CADM2: variants seen among roughly 807,000 people sequenced by gnomAD.
CADM2 encodes immunoglobulin superfamily member 4D.
A neutral mutation model predicts 49.8 loss-of-function variants in CADM2; 12 were observed. That is an observed-to-expected ratio of 0.24 (90% CI 0.15 to 0.39). CADM2 has a LOEUF of 0.39. Among genes scored for constraint, CADM2 ranks in the 10% least tolerant of loss-of-function variants. CADM2 has a pLI of 1.00. For synonymous variants in CADM2, 214 were observed against 175.4 expected (o/e 1.22, Z -1.74); for missense variants, 378 against 492.3 (o/e 0.77, Z 2.20).
intron 1 of CADM2, among the ~76,000 whole-genome samples, chr3:85,558,673 T>C (rs751691280): frequency 7.2e-5 from 11 of 152,176 alleles, no homozygotes; most frequent in Non-Finnish European, 1.2e-4. Context: ...ATTACCTAAC[T>C]TGAGTCAATA....
At chr3:85,342,019 A>G (rs548730263) in intron 1 of CADM2, among the ~76,000 whole-genome samples, 1 of 152,320 alleles carries the variant, frequency 6.6e-6, no homozygotes. Context: ...AATTGGATCT[A>G]ATTAAACTAA....
At chr3:85,792,146 G>T (rs2071374416) in intron 2 of CADM2, among the ~76,000 whole-genome samples, 1 of 152,094 alleles carries the variant, frequency 6.6e-6, no homozygotes, top group South Asian at 2.1e-4. Context: ...TGTTAAATGA[G>T]GTTCTTGAGA....
At chr3:85,505,313 A>G (rs1559874713) in intron 1 of CADM2, among the ~76,000 whole-genome samples, 1 of 152,232 alleles carries the variant, frequency 6.6e-6, no homozygotes, top group Non-Finnish European at 1.5e-5. Context: ...GTATATTCAT[A>G]TATACAAATG....
At chr3:85,267,371 AT>A (rs1359886604) in intron 1 of CADM2, among the ~76,000 whole-genome samples, 3 of 151,596 alleles carry the variant, frequency 2.0e-5, no homozygotes, top group East Asian at 1.9e-4. Context: ...TTTAAAAAAA[AT>A]ATTTTCTCCT....
intron 8 of CADM2, among the ~76,000 whole-genome samples, chr3:86,009,418 T>C: frequency 6.6e-6 from 1 of 151,496 alleles, no homozygotes; most frequent in East Asian, 1.9e-4. Flanking sequence ...ATTTATTTCA[T>C]TGTTTTTTAC....
At chr3:85,703,328 C>CTACTTCTT (rs1197174587) in intron 1 of CADM2, among the ~76,000 whole-genome samples, 3 of 152,020 alleles carry the variant, frequency 2.0e-5, no homozygotes. Context: ...TTTTTCCACT[C>CTACTTCTT]TACTTCTTGA....
At chr3:85,281,889 A>G (rs930009052) in intron 1 of CADM2, among the ~76,000 whole-genome samples, 3 of 152,126 alleles carry the variant, frequency 2.0e-5, no homozygotes, top group African/African-American at 7.2e-5. Context: ...TATTAGGCAC[A>G]AGCTGTACAC....
chr3:85,888,753 G>T (rs375477755), intron 5 of CADM2, among the ~76,000 whole-genome samples: 81 of 152,132 alleles, frequency 5.3e-4, no homozygotes, highest in African/African-American at 1.9e-3. Flanking sequence ...TAAAGACTAC[G>T]GCACAAAGTA....
At chr3:85,634,473 C>T (rs1393779088) in intron 1 of CADM2, among the ~76,000 whole-genome samples, 1 of 151,866 alleles carries the variant, frequency 6.6e-6, no homozygotes, top group East Asian at 1.9e-4. Context: ...ATTGCTGGTT[C>T]TAATTTATAT....
chr3:85,754,772 C>T (rs1364806371), intron 2 of CADM2, among the ~76,000 whole-genome samples: 1 of 152,040 alleles, frequency 6.6e-6, no homozygotes, highest in Non-Finnish European at 1.5e-5. Flanking sequence ...TTAACATTGT[C>T]ATGACTGTCT....
chr3:85,136,718 T>C (rs1317533516), intron 1 of CADM2, among the ~76,000 whole-genome samples: 1 of 151,908 alleles, frequency 6.6e-6, no homozygotes, highest in African/African-American at 2.4e-5. Context: ...AGAAAATAAG[T>C]CAATTAATTA....
intron 1 of CADM2, among the ~76,000 whole-genome samples, chr3:85,503,234 T>C (rs1396091757): frequency 6.6e-6 from 1 of 152,196 alleles, no homozygotes; most frequent in African/African-American, 2.4e-5. Context: ...TAAAGAAATA[T>C]TTTGATTTCT....
chr3:85,658,576 G>GTGTATATA (rs1460728518), intron 1 of CADM2, among the ~76,000 whole-genome samples: 10 of 68,754 alleles, frequency 1.5e-4, no homozygotes, highest in African/African-American at 2.2e-4. Context: ...GGATATATGT[G>GTGTATATA]TATATATATA....
chr3:85,194,607 TA>T (rs1356293014), intron 1 of CADM2, among the ~76,000 whole-genome samples: 1 of 151,864 alleles, frequency 6.6e-6, no homozygotes, highest in Non-Finnish European at 1.5e-5. Flanking sequence ...GAAATAAGGC[TA>T]AAAAATGAGG....
intron 1 of CADM2, among the ~76,000 whole-genome samples, chr3:85,710,907 A>G (rs2067097411): frequency 6.6e-6 from 1 of 152,094 alleles, no homozygotes; most frequent in Non-Finnish European, 1.5e-5. Context: ...GTACCTTCTA[A>G]CTCTGAGATT....
intron 1 of CADM2, among the ~76,000 whole-genome samples, chr3:85,185,231 G>A (rs550514261): frequency 6.6e-6 from 1 of 151,676 alleles, no homozygotes; most frequent in Non-Finnish European, 1.5e-5. Flanking sequence ...TATGACTAAT[G>A]TTCTTGGAAG....
At chr3:85,756,991 T>C (rs757626944) in intron 2 of CADM2, among the ~76,000 whole-genome samples, 22 of 152,160 alleles carry the variant, frequency 1.4e-4, no homozygotes, top group Non-Finnish European at 2.9e-4. Context: ...AAGTGATTCA[T>C]TGATCTCCAC....
chr3:85,493,233 T>C (rs2039750598), intron 1 of CADM2, among the ~76,000 whole-genome samples: 1 of 152,152 alleles, frequency 6.6e-6, no homozygotes, highest in African/African-American at 2.4e-5. Flanking sequence ...TTTTTCCAAA[T>C]ACATATTTGG....
intron 1 of CADM2, among the ~76,000 whole-genome samples, chr3:85,031,571 G>A (rs937577996): frequency 2.0e-5 from 3 of 152,142 alleles, no homozygotes; most frequent in Admixed American, 6.5e-5. Context: ...CTGGAGTGCA[G>A]TGGCGCGATC....
Sources: allele counts gnomAD v4.1 joint callset (sites outside exome capture counted in the v4.1 genomes callset), GRCh38; gene constraint gnomAD v4.1.1; transcripts MANE v1.5; gene names NCBI Gene and HGNC (gene_info 2026-07-23, HGNC 2026-07-21).